CARD8: variants seen among roughly 807,000 people sequenced by gnomAD.
The protein encoded by CARD8 is caspase recruitment domain-containing protein 8.
Under a neutral mutation model 53.2 loss-of-function variants are expected in CARD8, and 38 were observed. That is an observed-to-expected ratio of 0.71 (90% confidence interval 0.55 to 0.94). The LOEUF (loss-of-function observed/expected upper bound fraction) is 0.94. Ranked by LOEUF, CARD8 falls within the 40% of genes least tolerant of loss-of-function variation. CARD8 has a pLI of 0.00. For synonymous variants in CARD8, 245 were observed against 244.9 expected (o/e 1.00, Z 0.00); for missense variants, 561 against 655.5 (o/e 0.86, Z 1.57).
At chr19:48,226,863 G>T (rs1033478716) in intron 10 of CARD8, among the ~76,000 whole-genome samples, 2 of 152,002 alleles carry the variant, frequency 1.3e-5, no homozygotes, top group African/African-American at 4.8e-5. Flanking sequence ...ATCACTTGAG[G>T]TCAAGAGTTC....
intron 1 of CARD8, among the ~76,000 whole-genome samples, chr19:48,251,849 G>A (rs16981877): frequency 0.19 from 28,419 of 151,946 alleles, 2,786 homozygotes; most frequent in East Asian, 0.33. Flanking sequence ...TGCAGACACC[G>A]GCGGAGAGCC....
chr19:48,253,157 G>A (rs188955975), intron 1 of CARD8, among the ~76,000 whole-genome samples: 1 of 152,320 alleles, frequency 6.6e-6, no homozygotes, highest in African/African-American at 2.4e-5. Context: ...GAGCTAAAAA[G>A]AATAGGACTG....
At chr19:48,204,328 C>T (rs1014280282), downstream of CARD8, 3 of 379,910 alleles carry the variant, frequency 7.9e-6, no homozygotes, top group African/African-American at 2.1e-5. Flanking sequence ...GAGGGTGTGC[C>T]GGAGGAATCA....
At chr19:48,233,742 A>G (rs868167556) in intron 6 of CARD8, 2 of 190,978 alleles carry the variant, frequency 1.0e-5, no homozygotes. Context: ...AAGTTGTTCA[A>G]CACAACCATT....
rs142619498 is a variant in CARD8 at position 48,245,623 on chromosome 19, A to G, written c.-44+3900T>C. Among the ~76,000 whole-genome samples, 4 of 151,890 alleles carry G rather than the reference A, an allele frequency of 2.6e-5. No individual in the cohort carries two copies. The East Asian group carries it at 7.7e-4, about 29-fold the overall frequency. ...AATAGCAACTATGGTACCTAGAACT[A>G]AACTATACAAAAAAACTACATGACC... On this transcript the variant is annotated intron_variant, in intron 3 of 13. Coordinates refer to ENST00000651546, the MANE Select transcript of CARD8 (RefSeq NM_001184900.3).
rs762067591 is a variant in CARD8, at chr19:48,221,820, C to T, written c.1071G>A (p.Val357=). 1.2e-6 allele frequency: 2 copies of T among 1,609,626 alleles called. No individual in the cohort carries two copies. Among genetic ancestry groups the T allele is most frequent in the Non-Finnish European group, 1.7e-6 (2 of 1,176,858 alleles). The part of the protein sequence containing the change: ...IDDEEDRFHG[V]RLQTSPPMEP... ...CCATTGGGGGCGAAGTCTGCAGGCG[C>T]ACACCATGGAAGCGATCTTCCTCAT... Residue 357 remains valine (V), a synonymous_variant, in exon 11 of 14, where the codon GTG becomes GTA. Transcript: ENST00000651546.
Position 48,238,092 on chromosome 19 carries a change from T to C in CARD8, c.209+291A>G, listed in dbSNP as rs142954792. 8.6e-3 allele frequency among the ~76,000 whole-genome samples: 1,301 copies of C among 152,066 alleles called. 27 individuals are homozygous for C. Among genetic ancestry groups the C allele is most frequent in the South Asian group, 0.073 (351 of 4,798 alleles). On this transcript the variant is annotated intron_variant, in intron 5 of 13. Transcript: ENST00000651546. ...TTTTAGTAGAGATGGGGTTTCACCA[T>C]GTAGGCCAGGCTGGTCTCAAACTTT...
rs113740488 is a variant in CARD8 at position 48,252,808 on chromosome 19, T to TATACACACAC, written c.-251-2962_-251-2961insGTGTGTGTAT. 1.1e-4 allele frequency among the ~76,000 whole-genome samples: 16 copies of TATACACACAC among 148,298 alleles called. No homozygotes were observed. In the East Asian group the frequency reaches 1.2e-3, roughly 11 times the overall value. On this transcript the variant is annotated intron_variant, in intron 1 of 13. Coordinates refer to ENST00000651546, the MANE Select transcript of CARD8 (RefSeq NM_001184900.3). Reference sequence around the variant, plus strand: ...CCACCGCACTGGCCTTATCAGTATATACACACACACACACACACACACACA... The same window carrying TATACACACAC: ...CCACCGCACTGGCCTTATCAGTATATATACACACACACACACACACACACACACACACACA...
intron 1 of CARD8, among the ~76,000 whole-genome samples, chr19:48,253,258 GTA>G (rs1195829629): frequency 6.6e-6 from 1 of 152,012 alleles, no homozygotes; most frequent in Non-Finnish European, 1.5e-5. Flanking sequence ...GCTAATTTTT[GTA>G]TTTTTGTAGA....
chr19:48,218,771 C>G, intron 12 of CARD8, 100 bp downstream of exon 12: 3 of 1,301,000 alleles, frequency 2.3e-6, no homozygotes, highest in Non-Finnish European at 1.1e-6. Context: ...CTTTTCTTCT[C>G]TGGGAAAGAA....
downstream of CARD8, among the ~76,000 whole-genome samples, chr19:48,207,439 A>G (rs948147302): frequency 6.6e-6 from 1 of 152,168 alleles, no homozygotes; most frequent in Non-Finnish European, 1.5e-5. Context: ...AGTAGTAGGC[A>G]TTACTGACTT....
intron 13 of CARD8, among the ~76,000 whole-genome samples, chr19:48,214,695 A>T (rs781261954): frequency 2.0e-5 from 3 of 147,016 alleles, no homozygotes; most frequent in Non-Finnish European, 4.4e-5. Flanking sequence ...CAAACCGTGC[A>T]CTTGTCTTTC....
chr19:48,207,720 ATTG>A (rs1369971780), downstream of CARD8, among the ~76,000 whole-genome samples: 60 of 97,366 alleles, frequency 6.2e-4, 2 homozygotes, highest in African/African-American at 2.2e-3. Context: ...CTTCTTTTTT[ATTG>A]TTGTTTTTCT....
chr19:48,221,841 C>A lies in CARD8; in HGVS notation c.1050G>T (p.Glu350Asp). 6.2e-7 allele frequency: 1 copy of A among 1,601,422 alleles called. No individual in the cohort carries two copies. The highest frequency in any genetic ancestry group is 8.5e-7 in the Non-Finnish European group (1 of 1,171,886). Residue 350 changes from glutamate to aspartate, a missense_variant, in exon 11 of 14, where the codon GAG becomes GAT. Coordinates refer to ENST00000651546, the MANE Select transcript of CARD8 (RefSeq NM_001184900.3). ...GGCGCACACCATGGAAGCGATCTTC[C>A]TCATCATCTATCGCCTAAGGAAGAA... ...DALLTKAIDD[E>D]EDRFHGVRLQ... is the part of the protein sequence containing the mutation.
chr19:48,252,196 G>A (rs1287870535), intron 1 of CARD8, among the ~76,000 whole-genome samples: 2 of 152,088 alleles, frequency 1.3e-5, no homozygotes, highest in African/African-American at 2.4e-5. Flanking sequence ...CAGCTGGGAA[G>A]TCTCCATGAT....
intron 12 of CARD8, among the ~76,000 whole-genome samples, chr19:48,218,150 A>G (rs2039710295): frequency 7.6e-6 from 1 of 131,924 alleles, no homozygotes; most frequent in East Asian, 2.0e-4. Context: ...CACTGACAAT[A>G]GATTTCTCTT....
intron 11 of CARD8, among the ~76,000 whole-genome samples, chr19:48,220,278 C>A (rs1026445125): frequency 1.3e-5 from 2 of 152,202 alleles, no homozygotes; most frequent in African/African-American, 4.8e-5. Flanking sequence ...GATCACTGAA[C>A]TGATGTCTGC....
At chr19:48,212,611 A>T (rs2038242587) in intron 13 of CARD8, among the ~76,000 whole-genome samples, 1 of 152,198 alleles carries the variant, frequency 6.6e-6, no homozygotes. Flanking sequence ...ATTTTGACTC[A>T]AGACATGTTC....
intron 1 of CARD8, among the ~76,000 whole-genome samples, chr19:48,252,850 T>C (rs1373374471): frequency 6.6e-6 from 1 of 151,944 alleles, no homozygotes; most frequent in African/African-American, 2.4e-5. Flanking sequence ...TGTGTATACA[T>C]ATACAACTAC....
Sources: allele counts gnomAD v4.1 joint callset (sites outside exome capture counted in the v4.1 genomes callset), GRCh38; gene constraint gnomAD v4.1.1; transcripts MANE v1.5; gene names NCBI Gene and HGNC (gene_info 2026-07-23, HGNC 2026-07-21).